ADAMTSL1: variants seen among roughly 807,000 people sequenced by gnomAD.
ADAMTSL1 encodes ADAMTS like 1.
ADAMTSL1 carries 126 observed loss-of-function variants against 201.8 expected under a neutral mutation model. The ratio of observed to expected loss-of-function variants is 0.62; its 90% CI spans 0.54 to 0.72. The LOEUF (loss-of-function observed/expected upper bound fraction) is 0.72. ADAMTSL1 is among the 30% of genes least tolerant of loss of function. The pLI is 0.00. For missense variants in ADAMTSL1, 2,679 were observed against 2,277.8 expected (o/e 1.18, Z -3.59); for synonymous variants, 1,121 against 903.4 (o/e 1.24, Z -4.32).
At chr9:18,828,650 G>T (rs7041624) in intron 22 of ADAMTSL1, among the ~76,000 whole-genome samples, 97,606 of 108,682 alleles carry the variant, frequency 0.9, 43,972 homozygotes, top group African/African-American at 0.96. Context: ...GGATTCTTTT[G>T]AAAGTATATT....
intron 2 of ADAMTSL1, among the ~76,000 whole-genome samples, chr9:18,444,255 G>A (rs1306472597): frequency 2.0e-5 from 3 of 152,186 alleles, no homozygotes; most frequent in Non-Finnish European, 4.4e-5. Flanking sequence ...GTGAGGCATT[G>A]TGCTGGGTGC....
intron 3 of ADAMTSL1, among the ~76,000 whole-genome samples, chr9:18,569,451 C>T (rs10963642): frequency 0.59 from 89,402 of 151,956 alleles, 26,530 homozygotes; most frequent in East Asian, 0.72. Flanking sequence ...AGTGAGGAAG[C>T]CTTAGCCCAG....
chr9:18,187,391 T>C (rs1828784762), intron 2 of ADAMTSL1, among the ~76,000 whole-genome samples: 1 of 152,136 alleles, frequency 6.6e-6, no homozygotes, highest in Admixed American at 6.6e-5. Flanking sequence ...ACCTGACCTG[T>C]CCATAGGTTC....
chr9:18,055,692 C>T (rs925270464), intron 1 of ADAMTSL1, among the ~76,000 whole-genome samples: 6 of 152,104 alleles, frequency 3.9e-5, no homozygotes, highest in African/African-American at 9.7e-5. Flanking sequence ...TAGAGTATGC[C>T]GTGCATAAAA....
intron 1 of ADAMTSL1, among the ~76,000 whole-genome samples, chr9:18,108,670 A>AT (rs952617940): frequency 5.3e-5 from 8 of 151,964 alleles, no homozygotes; most frequent in African/African-American, 7.2e-5. Flanking sequence ...ATTTAGAACT[A>AT]TTTTTTTTAC....
intron 23 of ADAMTSL1, among the ~76,000 whole-genome samples, chr9:18,852,003 C>T (rs1826525570): frequency 6.6e-6 from 1 of 152,212 alleles, no homozygotes; most frequent in South Asian, 2.1e-4. Flanking sequence ...AGTTTAACCA[C>T]TGCCTGACCA....
At chr9:18,566,962 T>C (rs559349702) in intron 3 of ADAMTSL1, among the ~76,000 whole-genome samples, 25 of 152,296 alleles carry the variant, frequency 1.6e-4, no homozygotes, top group African/African-American at 5.8e-4. Context: ...AAGTCAAATA[T>C]GGCTCTAAGG....
intron 2 of ADAMTSL1, among the ~76,000 whole-genome samples, chr9:18,402,034 G>A (rs932389235): frequency 6.6e-6 from 1 of 152,144 alleles, no homozygotes; most frequent in Admixed American, 6.5e-5. Flanking sequence ...GGTGATAGGC[G>A]AACTTTATTT....
intron 17 of ADAMTSL1, 72 bp from the exon 18 acceptor site, chr9:18,775,671 T>G: frequency 6.5e-7 from 1 of 1,544,776 alleles, no homozygotes; most frequent in Non-Finnish European, 8.8e-7. Context: ...TTTGATGAGT[T>G]TGACAGTCTA....
intron 2 of ADAMTSL1, among the ~76,000 whole-genome samples, chr9:18,423,313 T>A (rs1320040200): frequency 6.6e-6 from 1 of 152,212 alleles, no homozygotes; most frequent in African/African-American, 2.4e-5. Context: ...TTTAACCTTG[T>A]TATATGACAT....
At chr9:18,741,826 C>CATAGATACA (rs1477497179) in intron 15 of ADAMTSL1, among the ~76,000 whole-genome samples, 7 of 152,268 alleles carry the variant, frequency 4.6e-5, no homozygotes, top group Non-Finnish European at 1.0e-4. Context: ...GAATTTGCTT[C>CATAGATACA]CAGCTTTTCT....
chr9:18,209,245 G>A (rs369068968), intron 2 of ADAMTSL1, among the ~76,000 whole-genome samples: 28 of 150,428 alleles, frequency 1.9e-4, no homozygotes, highest in African/African-American at 5.6e-4. Flanking sequence ...TAAAAATTAC[G>A]TCAGACTTGT....
At chr9:18,634,825 C>T (rs1374859667) in intron 5 of ADAMTSL1, among the ~76,000 whole-genome samples, 2 of 96,480 alleles carry the variant, frequency 2.1e-5, no homozygotes, top group African/African-American at 3.7e-5. Flanking sequence ...GGTGACAGAG[C>T]GAGATTCCTC....
intron 3 of ADAMTSL1, among the ~76,000 whole-genome samples, chr9:18,571,908 TGTGGCCAGTTGCG>T (rs1019145532): frequency 2.6e-5 from 4 of 152,176 alleles, no homozygotes; most frequent in Admixed American, 2.0e-4. Flanking sequence ...TAAAGTTGTT[TGTGGCCAGTTGCG>T]GTGGCTCATG....
At chr9:18,804,345 G>A (rs1469745) in intron 20 of ADAMTSL1, among the ~76,000 whole-genome samples, 11,302 of 152,240 alleles carry the variant, frequency 0.074, 523 homozygotes, top group East Asian at 0.23. Context: ...AGGGTACAGG[G>A]TAAATAGAGC....
intron 1 of ADAMTSL1, among the ~76,000 whole-genome samples, chr9:18,000,168 A>G (rs1819554206): frequency 1.3e-5 from 2 of 150,900 alleles, no homozygotes; most frequent in Non-Finnish European, 3.0e-5. Context: ...TAGATCCCTG[A>G]GGAATCGCCA....
At chr9:18,526,243 T>G (rs144468254) in intron 2 of ADAMTSL1, among the ~76,000 whole-genome samples, 62 of 152,350 alleles carry the variant, frequency 4.1e-4, no homozygotes, top group African/African-American at 1.4e-3. Flanking sequence ...AAGTTTGTTT[T>G]ATCAGAGACT....
intron 1 of ADAMTSL1, among the ~76,000 whole-genome samples, chr9:17,944,109 A>G (rs1827354935): frequency 6.6e-6 from 1 of 152,078 alleles, no homozygotes; most frequent in African/African-American, 2.4e-5. Flanking sequence ...CTAGATTTAG[A>G]TGGGAACAAA....
intron 9 of ADAMTSL1, among the ~76,000 whole-genome samples, chr9:18,673,660 T>A (rs969645695): frequency 6.6e-6 from 1 of 152,318 alleles, no homozygotes; most frequent in Admixed American, 6.5e-5. Context: ...AGCTGATAAA[T>A]CAATTGACAG....
Sources: allele counts gnomAD v4.1 joint callset (sites outside exome capture counted in the v4.1 genomes callset), GRCh38; gene constraint gnomAD v4.1.1; transcripts MANE v1.5; gene names NCBI Gene and HGNC (gene_info 2026-07-23, HGNC 2026-07-21).